Variants in ZNF723 observed in about 807,000 individuals in gnomAD.
The protein encoded by ZNF723 is zinc finger protein 723, pseudogene.
In ZNF723, 5 loss-of-function variants were observed where a neutral mutation model predicts 9.4. That is an observed-to-expected ratio of 0.53 (90% CI 0.28 to 1.12). The LOEUF (loss-of-function observed/expected upper bound fraction) is 1.12. ZNF723 is among the 50% of genes most tolerant of loss of function. The pLI is 0.10. For missense variants in ZNF723, 450 were observed against 501.5 expected (o/e 0.90, Z 0.98); for synonymous variants, 158 against 168.8 (o/e 0.94, Z 0.49).
chr19:22,825,400 G>A, the ZNF723 span, among the ~76,000 whole-genome samples: 3 of 152,208 alleles, frequency 2.0e-5, 1 homozygote, highest in South Asian at 6.2e-4. Context: ...AACCACAGAA[G>A]CTTCATGAAT....
chr19:22,830,763 T>G (rs999589854), upstream of ZNF723, among the ~76,000 whole-genome samples: 1 of 152,100 alleles, frequency 6.6e-6, no homozygotes, highest in African/African-American at 2.4e-5. Flanking sequence ...CAATTTTTCT[T>G]TTTTTCTTTT....
chr19:22,822,328 G>T, the ZNF723 span, among the ~76,000 whole-genome samples: 1 of 152,142 alleles, frequency 6.6e-6, no homozygotes, highest in Non-Finnish European at 1.5e-5. Context: ...TGTAAATCTG[G>T]GAACAGGTTG....
rs2070839797 is a variant in ZNF723 at position 22,842,304 on chromosome 19, G to T, written c.4-5957G>T. On this transcript the variant is annotated intron_variant, in intron 1 of 3. Coordinates refer to ENST00000600766, the MANE Select transcript of ZNF723 (RefSeq NM_001349726.2). The stretch of plus-strand genomic sequence containing the variant: ...TTACAGGCATGAGCCACTGCGCCTG[G>T]TCCTGAACTAAGAGTTTTTTTTAAT... Among the ~76,000 whole-genome samples, 5 of 152,094 alleles carry T rather than the reference G, an allele frequency of 3.3e-5. No individual in the cohort carries two copies. The South Asian group carries it at 1.0e-3, about 32-fold the overall frequency.
intron 3 of ZNF723, among the ~76,000 whole-genome samples, chr19:22,853,599 A>G (rs1967428264): frequency 6.6e-6 from 1 of 152,180 alleles, no homozygotes; most frequent in East Asian, 1.9e-4. Context: ...ACTTTTTTCA[A>G]GGAGAATCTT....
At chr19:22,817,203 ATCT>A in the ZNF723 span, among the ~76,000 whole-genome samples, 6 of 152,158 alleles carry the variant, frequency 3.9e-5, no homozygotes, top group Non-Finnish European at 7.4e-5. Context: ...TGATGTGACT[ATCT>A]TCTTCTGCCT....
intron 1 of ZNF723, among the ~76,000 whole-genome samples, chr19:22,843,196 T>C (rs548846743): frequency 1.8e-4 from 28 of 152,342 alleles, no homozygotes; most frequent in South Asian, 1.0e-3. Flanking sequence ...GTTTAATTTT[T>C]TGTTTAGAAT....
the ZNF723 span, among the ~76,000 whole-genome samples, chr19:22,815,555 C>A: frequency 2.6e-5 from 4 of 152,032 alleles, no homozygotes; most frequent in African/African-American, 9.7e-5. Context: ...TTTGACATAC[C>A]CTTGCCAAAA....
At chr19:22,825,223 G>A in the ZNF723 span, among the ~76,000 whole-genome samples, 2 of 151,928 alleles carry the variant, frequency 1.3e-5, no homozygotes, top group South Asian at 2.1e-4. Flanking sequence ...TCAACATGCC[G>A]GTGAGCCTGT....
the ZNF723 span, among the ~76,000 whole-genome samples, chr19:22,822,315 A>G: frequency 2.0e-5 from 3 of 152,310 alleles, no homozygotes; most frequent in South Asian, 2.1e-4. Context: ...TCTGACTGTC[A>G]TATGTAAATC....
chr19:22,814,130 G>T, the ZNF723 span, among the ~76,000 whole-genome samples: 1 of 152,274 alleles, frequency 6.6e-6, no homozygotes, highest in South Asian at 2.1e-4. Flanking sequence ...ATTTTTAAAT[G>T]AAGCTCATAG....
upstream of ZNF723, among the ~76,000 whole-genome samples, chr19:22,828,875 T>TA (rs1019079286): frequency 6.6e-6 from 1 of 152,016 alleles, no homozygotes; most frequent in African/African-American, 2.4e-5. Context: ...TCTAATCCTT[T>TA]AAAAAATAAA....
At chr19:22,855,494 G>T (rs1182183208) in intron 3 of ZNF723, among the ~76,000 whole-genome samples, 2 of 152,070 alleles carry the variant, frequency 1.3e-5, no homozygotes, top group Non-Finnish European at 2.9e-5. Context: ...CTCCCAAAAT[G>T]CTGGTACTAC....
the ZNF723 span, among the ~76,000 whole-genome samples, chr19:22,815,202 A>G: frequency 5.9e-5 from 9 of 152,084 alleles, no homozygotes; most frequent in African/African-American, 2.2e-4. Context: ...ATTGTTACAT[A>G]TTGCTAGGTG....
Position 22,849,247 on chromosome 19 carries a change from A to G in ZNF723, c.180A>G (p.Lys60=). The G allele has an allele frequency of 3.0e-6, 2 of 657,662 alleles. No homozygotes were observed. Among genetic ancestry groups the G allele is most frequent in the South Asian group, 2.1e-5 (1 of 47,974 alleles). 40.7% of individuals were successfully genotyped at this position (657,662 alleles called of 1,614,324 possible). Residue 60 remains lysine (K), a synonymous_variant, in exon 3 of 4, where the codon AAA becomes AAG. Transcript: ENST00000600766. Reference sequence around the variant, plus strand: ...TAATCACCTGTCTGGAGCAAGGAAAAGAGCCCTGGAATATGAAGAGACACA... The same window carrying G: ...TAATCACCTGTCTGGAGCAAGGAAAGGAGCCCTGGAATATGAAGAGACACA... ...PDLITCLEQG[K]EPWNMKRHKM... is the part of the protein sequence containing the mutation.
chr19:22,817,265 TA>T, the ZNF723 span, among the ~76,000 whole-genome samples: 1 of 152,310 alleles, frequency 6.6e-6, no homozygotes, highest in South Asian at 2.1e-4. Flanking sequence ...ACCCGGCACC[TA>T]AGTTATGTAA....
intron 1 of ZNF723, among the ~76,000 whole-genome samples, chr19:22,847,167 C>T (rs537200876): frequency 6.6e-6 from 1 of 151,800 alleles, no homozygotes; most frequent in South Asian, 2.1e-4. Context: ...CCTCTGCCTC[C>T]TAGGTTCAAG....
chr19:22,830,793 C>T (rs958267450), upstream of ZNF723, among the ~76,000 whole-genome samples: 1 of 152,092 alleles, frequency 6.6e-6, no homozygotes, highest in Admixed American at 6.6e-5. Flanking sequence ...GATGGAGTCT[C>T]ATTCTGTCGC....
At chr19:22,813,722 C>G in the ZNF723 span, among the ~76,000 whole-genome samples, 1 of 152,062 alleles carries the variant, frequency 6.6e-6, no homozygotes, top group South Asian at 2.1e-4. Context: ...GCCTGGATGA[C>G]AGAGTGAGAC....
the ZNF723 span, among the ~76,000 whole-genome samples, chr19:22,819,662 A>G: frequency 2.0e-5 from 3 of 152,260 alleles, no homozygotes; most frequent in Non-Finnish European, 4.4e-5. Context: ...GACCACAGAA[A>G]GCATTGCAAC....
Sources: gnomAD v4.1 joint callset for allele counts (sites outside exome capture counted in the v4.1 genomes callset) on GRCh38, gnomAD v4.1.1 for gene constraint, MANE v1.5 for transcripts, NCBI Gene and HGNC (gene_info 2026-07-23, HGNC 2026-07-21) for gene names.